The following UTRN variants were observed in gnomAD, a reference collection of about 807,000 sequenced individuals.
The protein encoded by UTRN is utrophin.
Under a neutral mutation model 463.9 loss-of-function variants are expected in UTRN, and 283 were observed. The ratio of observed to expected loss-of-function variants is 0.61; its 90% CI spans 0.55 to 0.67. The LOEUF (loss-of-function observed/expected upper bound fraction) is 0.67. UTRN is among the 30% of genes least tolerant of loss of function. The pLI, the probability that UTRN is intolerant of heterozygous loss-of-function variation, is 0.00. For synonymous variants in UTRN, 1,442 were observed against 1,431.5 expected, an observed-to-expected ratio of 1.01 and a Z score of -0.17; for missense variants, 3,922 against 4,084.3, an observed-to-expected ratio of 0.96 and a Z score of 1.08.
At chr6:144,309,254 A>G (rs573306419) in intron 2 of UTRN, among the ~76,000 whole-genome samples, 2 of 152,286 alleles carry the variant, frequency 1.3e-5, no homozygotes, top group South Asian at 2.1e-4. Context: ...GCCGTTTGTC[A>G]TCTCACCAGT....
At chr6:144,840,512 T>C (rs1781474909) in intron 72 of UTRN, among the ~76,000 whole-genome samples, 1 of 152,222 alleles carries the variant, frequency 6.6e-6, no homozygotes. Context: ...GTGGATTCTT[T>C]CTACACAAAC....
intron 49 of UTRN, 65 bp downstream of exon 49, chr6:144,554,958 A>G: frequency 2.0e-6 from 3 of 1,537,964 alleles, no homozygotes; most frequent in Non-Finnish European, 1.8e-6. Flanking sequence ...TCTATTGTTC[A>G]CTGTAATTCT....
At chr6:144,684,339 C>T (rs1462761490) in intron 52 of UTRN, among the ~76,000 whole-genome samples, 2 of 152,156 alleles carry the variant, frequency 1.3e-5, no homozygotes, top group Non-Finnish European at 2.9e-5. Context: ...CGTGAGCCAC[C>T]ACGCCCAGCC....
At chr6:144,623,843 A>G (rs1775682240) in intron 51 of UTRN, among the ~76,000 whole-genome samples, 2 of 152,192 alleles carry the variant, frequency 1.3e-5, no homozygotes, top group South Asian at 4.1e-4. Flanking sequence ...GGAAGATGAA[A>G]AATACATGAT....
intron 69 of UTRN, among the ~76,000 whole-genome samples, chr6:144,835,141 G>A (rs559164014): frequency 3.9e-5 from 6 of 152,334 alleles, no homozygotes; most frequent in African/African-American, 1.2e-4. Context: ...TTACTGCTAT[G>A]TCTAGTTCAT....
Position 144,538,328 on chromosome 6 carries a change from A to G in UTRN, c.6369+611A>G, listed in dbSNP as rs373210007. On this transcript the variant is annotated intron_variant, in intron 44 of 74. Coordinates refer to ENST00000367545, the MANE Select transcript of UTRN (RefSeq NM_007124.3). ...TATTTTTTGTGTTAAGAATTAAAATACTTGTTGCAGAACACTCAGCATAAT... is the reference window on the plus strand; with the variant it reads ...TATTTTTTGTGTTAAGAATTAAAATGCTTGTTGCAGAACACTCAGCATAAT... Among the ~76,000 whole-genome samples, 15 of 152,310 alleles carry G rather than the reference A, an allele frequency of 9.8e-5. No individual in the cohort carries two copies. In the East Asian group the frequency reaches 1.3e-3, roughly 14 times the overall value.
intron 50 of UTRN, among the ~76,000 whole-genome samples, chr6:144,561,226 T>C (rs1274610728): frequency 3.0e-5 from 2 of 65,754 alleles, no homozygotes; most frequent in African/African-American, 1.1e-4. Context: ...TATATATATA[T>C]ATATATATAT....
intron 7 of UTRN, 59 bp from the exon 8 acceptor site, chr6:144,428,719 A>G (rs1785523328): frequency 1.1e-6 from 1 of 943,690 alleles, no homozygotes; most frequent in Non-Finnish European, 1.6e-6. Context: ...GATTATAACA[A>G]TGCCTACTTT....
chr6:144,682,135 A>AC (rs745746811), intron 52 of UTRN, among the ~76,000 whole-genome samples: 4 of 150,692 alleles, frequency 2.7e-5, no homozygotes, highest in East Asian at 1.9e-4. Flanking sequence ...CCTCCCCATC[A>AC]CCCCCCTGCC....
At chr6:144,340,522 T>G (rs1450725021) in intron 2 of UTRN, among the ~76,000 whole-genome samples, 3 of 152,200 alleles carry the variant, frequency 2.0e-5, no homozygotes, top group Non-Finnish European at 4.4e-5. Context: ...ACTTCAACAT[T>G]ACCTCCTGTA....
intron 52 of UTRN, among the ~76,000 whole-genome samples, chr6:144,695,012 C>G (rs1783841608): frequency 6.7e-6 from 1 of 148,844 alleles, no homozygotes; most frequent in Non-Finnish European, 1.5e-5. Flanking sequence ...CTGATTGATA[C>G]TCTTTATGCT....
chr6:144,748,199 A>T, intron 54 of UTRN, 47 bp from the exon 55 acceptor site: 1 of 1,554,624 alleles, frequency 6.4e-7, no homozygotes, highest in South Asian at 1.2e-5. Context: ...TATTAAGAAT[A>T]TATAATCAGA....
At chr6:144,751,335 G>A (rs1791368947) in intron 55 of UTRN, among the ~76,000 whole-genome samples, 1 of 152,120 alleles carries the variant, frequency 6.6e-6, no homozygotes, top group Non-Finnish European at 1.5e-5. Flanking sequence ...TTAAAAGTTT[G>A]AATTATAATT....
At chr6:144,773,218 A>G (rs1289504143) in intron 59 of UTRN, among the ~76,000 whole-genome samples, 1 of 152,180 alleles carries the variant, frequency 6.6e-6, no homozygotes, top group Non-Finnish European at 1.5e-5. Context: ...GCAAAAGGGC[A>G]GGAAAACCAA....
At chr6:144,687,054 G>T (rs1198563048) in intron 52 of UTRN, among the ~76,000 whole-genome samples, 1 of 152,058 alleles carries the variant, frequency 6.6e-6, no homozygotes, top group Non-Finnish European at 1.5e-5. Context: ...ACTCCTTTTA[G>T]CATTTCTTGT....
chr6:144,601,640 A>G (rs9390175), intron 51 of UTRN, among the ~76,000 whole-genome samples: 10,046 of 152,282 alleles, frequency 0.066, 956 homozygotes, highest in East Asian at 0.52. Flanking sequence ...TGCTATGAAC[A>G]TTATGGAAAT....
At position 144,799,756 on chromosome 6, in the gene UTRN, A is replaced by C. The variant is rs80353128; in HGVS notation, c.9245+1766A>C. Among the ~76,000 whole-genome samples the C allele has an allele frequency of 1.2e-4, 19 of 152,338 alleles. 1 individual carries two copies. The East Asian group carries it at 3.7e-3, about 29-fold the overall frequency. ...GGAGTATTACCTCTACTTTACACAT[A>C]AAGGAACTAAGACTCCAAGATTAGT... On this transcript the variant is annotated intron_variant, in intron 64 of 74. Transcript: ENST00000367545.
intron 51 of UTRN, among the ~76,000 whole-genome samples, chr6:144,637,496 G>C (rs1038348201): frequency 5.3e-5 from 8 of 152,008 alleles, no homozygotes; most frequent in African/African-American, 1.7e-4. Context: ...AACTATAGTA[G>C]TAGATACATG....
intron 64 of UTRN, among the ~76,000 whole-genome samples, chr6:144,798,504 C>G (rs969149477): frequency 7.2e-5 from 11 of 152,196 alleles, no homozygotes; most frequent in African/African-American, 2.4e-4. Flanking sequence ...ATCAGTGTGT[C>G]AGACTCTTCA....
Sources: allele counts gnomAD v4.1 joint callset (sites outside exome capture counted in the v4.1 genomes callset), GRCh38; gene constraint gnomAD v4.1.1; transcripts MANE v1.5; gene names NCBI Gene and HGNC (gene_info 2026-07-23, HGNC 2026-07-21).